Variants in ROBO2 observed in about 807,000 individuals in gnomAD.
ROBO2 encodes the protein roundabout guidance receptor 2.
A neutral mutation model predicts 160.8 loss-of-function variants in ROBO2; 53 were observed. The observed-to-expected ratio is 0.33, with a 90% confidence interval of 0.26 to 0.41. The LOEUF is 0.41. Among genes scored for constraint, ROBO2 ranks in the 10% least tolerant of loss-of-function variants. The pLI is 1.00. For missense variants in ROBO2, 1,577 were observed against 1,722.4 expected (o/e 0.92, Z 1.49); for synonymous variants, 664 against 611.7 (o/e 1.09, Z -1.26).
At chr3:77,471,546 A>T (rs182985618) in intron 2 of ROBO2, among the ~76,000 whole-genome samples, 2 of 152,340 alleles carry the variant, frequency 1.3e-5, no homozygotes, top group Non-Finnish European at 2.9e-5. Flanking sequence ...GCAACATGGC[A>T]CCGTGCATGA....
intron 2 of ROBO2, among the ~76,000 whole-genome samples, chr3:77,034,019 G>A (rs2063478914): frequency 6.6e-6 from 1 of 151,442 alleles, no homozygotes; most frequent in South Asian, 2.1e-4. Flanking sequence ...CTGGTCCTTT[G>A]GATCCTTTAA....
chr3:77,625,115 A>T (rs918903874), intron 23 of ROBO2, among the ~76,000 whole-genome samples: 1 of 152,122 alleles, frequency 6.6e-6, no homozygotes, highest in Admixed American at 6.5e-5. Context: ...TTTGTGAGGG[A>T]TCTCTTAAAT....
chr3:75,948,670 G>T (rs79850419), intron 2 of ROBO2, among the ~76,000 whole-genome samples: 2 of 151,804 alleles, frequency 1.3e-5, no homozygotes, highest in African/African-American at 4.8e-5. Flanking sequence ...AATCACTATC[G>T]CTAGAATGTG....
chr3:76,081,429 A>G (rs914906386), intron 2 of ROBO2, among the ~76,000 whole-genome samples: 6 of 152,156 alleles, frequency 3.9e-5, no homozygotes, highest in African/African-American at 9.6e-5. Flanking sequence ...ATATTTGATA[A>G]TATGAGTTTA....
At chr3:76,610,361 C>T (rs946414050) in intron 2 of ROBO2, among the ~76,000 whole-genome samples, 7 of 152,182 alleles carry the variant, frequency 4.6e-5, no homozygotes, top group African/African-American at 1.7e-4. Context: ...CTCACATCCC[C>T]TGCCCGTATC....
At chr3:75,987,073 A>G (rs930043289) in intron 2 of ROBO2, among the ~76,000 whole-genome samples, 2 of 151,812 alleles carry the variant, frequency 1.3e-5, no homozygotes, top group African/African-American at 4.8e-5. Context: ...TTTCATATAC[A>G]TTTTAGAATA....
chr3:77,470,912 C>T (rs1427357440), intron 2 of ROBO2, among the ~76,000 whole-genome samples: 2 of 152,168 alleles, frequency 1.3e-5, no homozygotes, highest in African/African-American at 4.8e-5. Context: ...GCAGGAAAGA[C>T]TTGTGTTCAG....
intron 2 of ROBO2, among the ~76,000 whole-genome samples, chr3:76,991,122 A>T (rs2060642698): frequency 6.6e-6 from 1 of 152,140 alleles, no homozygotes; most frequent in Non-Finnish European, 1.5e-5. Context: ...GTAAACTTTC[A>T]CGACGGCTCT....
At chr3:76,971,994 G>A (rs915169912) in intron 2 of ROBO2, among the ~76,000 whole-genome samples, 11 of 152,184 alleles carry the variant, frequency 7.2e-5, no homozygotes, top group African/African-American at 2.7e-4. Context: ...CTAAATGGAA[G>A]CTCTGACAAA....
chr3:77,039,943 C>G (rs2063913702), exon 1 of ROBO2: 1 of 237,170 alleles, frequency 4.2e-6, no homozygotes, highest in African/African-American at 2.3e-5. Flanking sequence ...TCCGCCGCGC[C>G]CGGGCTGGGC....
At chr3:75,991,208 A>G (rs968490669) in intron 2 of ROBO2, among the ~76,000 whole-genome samples, 4 of 152,176 alleles carry the variant, frequency 2.6e-5, no homozygotes, top group Non-Finnish European at 5.9e-5. Flanking sequence ...AAATTTCTGT[A>G]AAGAATCCTG....
chr3:76,506,768 G>C (rs1331434474), intron 2 of ROBO2, among the ~76,000 whole-genome samples: 1 of 152,092 alleles, frequency 6.6e-6, no homozygotes, highest in Non-Finnish European at 1.5e-5. Flanking sequence ...CTGTTCCTTA[G>C]AACATGGAGG....
At chr3:76,852,538 T>G (rs1347359265) in intron 2 of ROBO2, among the ~76,000 whole-genome samples, 1 of 152,042 alleles carries the variant, frequency 6.6e-6, no homozygotes, top group South Asian at 2.1e-4. Flanking sequence ...TGCTTCAGAG[T>G]TGTTGAATAT....
intron 2 of ROBO2, among the ~76,000 whole-genome samples, chr3:76,283,468 A>G (rs1368720105): frequency 1.3e-5 from 2 of 151,898 alleles, no homozygotes; most frequent in Non-Finnish European, 2.9e-5. Flanking sequence ...CTCAACCTCA[A>G]TAAAAATCAA....
chr3:77,517,035 T>C (rs758311118), intron 5 of ROBO2, among the ~76,000 whole-genome samples: 8 of 151,540 alleles, frequency 5.3e-5, no homozygotes, highest in Non-Finnish European at 1.0e-4. Context: ...CCATGGAACA[T>C]ACATGCTCTT....
chr3:76,272,391 G>T (rs1346511218), intron 2 of ROBO2, among the ~76,000 whole-genome samples: 1 of 152,016 alleles, frequency 6.6e-6, no homozygotes, highest in Non-Finnish European at 1.5e-5. Flanking sequence ...TGGGCTGGAT[G>T]TGGTGGCTCA....
At chr3:76,946,402 C>G (rs191817569) in intron 2 of ROBO2, among the ~76,000 whole-genome samples, 8 of 151,934 alleles carry the variant, frequency 5.3e-5, no homozygotes, top group Admixed American at 2.0e-4. Flanking sequence ...GATTCTCTCT[C>G]TAACTCTGTT....
intron 2 of ROBO2, among the ~76,000 whole-genome samples, chr3:77,310,468 C>G (rs1203668253): frequency 3.3e-5 from 5 of 152,082 alleles, no homozygotes; most frequent in African/African-American, 1.2e-4. Flanking sequence ...CTGTTTGGAG[C>G]ATAAAATTCC....
At chr3:76,755,622 T>G (rs764688694) in intron 2 of ROBO2, among the ~76,000 whole-genome samples, 3 of 151,906 alleles carry the variant, frequency 2.0e-5, no homozygotes, top group Non-Finnish European at 4.4e-5. Flanking sequence ...TGGTGACACC[T>G]CCAATGAACT....
Sources: gnomAD v4.1 joint callset for allele counts (sites outside exome capture counted in the v4.1 genomes callset) on GRCh38, gnomAD v4.1.1 for gene constraint, MANE v1.5 for transcripts, NCBI Gene and HGNC (gene_info 2026-07-23, HGNC 2026-07-21) for gene names.